Variants in ANO2 observed in about 807,000 individuals in gnomAD.
ANO2 encodes anoctamin 2.
In ANO2, 101 loss-of-function variants were observed where a neutral mutation model predicts 124.2. The ratio of observed to expected loss-of-function variants is 0.81; its 90% confidence interval spans 0.69 to 0.96. ANO2 has a LOEUF of 0.96. ANO2 is among the 40% of genes least tolerant of loss of function. The probability of loss-of-function intolerance (pLI) is 0.00; values close to 1 mark genes in which losing one functional copy is unlikely to be tolerated. For synonymous variants in ANO2, 486 were observed against 482.5 expected, an observed-to-expected ratio of 1.01 and a Z score of -0.09; for missense variants, 1,293 against 1,274.5, an observed-to-expected ratio of 1.01 and a Z score of -0.22.
intron 3 of ANO2, among the ~76,000 whole-genome samples, chr12:5,890,275 T>G (rs1394122756): frequency 6.6e-6 from 1 of 152,194 alleles, no homozygotes; most frequent in Non-Finnish European, 1.5e-5. Context: ...CAATGCAGAA[T>G]GTGCCTCCAA....
At chr12:5,881,651 G>C in intron 3 of ANO2, 1 of 152,202 alleles carries the variant, frequency 6.6e-6, no homozygotes, top group Non-Finnish European at 1.5e-5. Context: ...GTTCAGGTGA[G>C]TCACAATACA....
At chr12:5,831,016 G>C (rs1234989580) in intron 5 of ANO2, among the ~76,000 whole-genome samples, 1 of 152,200 alleles carries the variant, frequency 6.6e-6, no homozygotes, top group Non-Finnish European at 1.5e-5. Flanking sequence ...TAATGTCACT[G>C]TCATCTCATC....
intron 3 of ANO2, among the ~76,000 whole-genome samples, chr12:5,885,407 A>C (rs1184880974): frequency 2.0e-5 from 3 of 152,396 alleles, no homozygotes; most frequent in Admixed American, 6.5e-5. Flanking sequence ...TGGCCAAAGA[A>C]AGGTGGCTGC....
At chr12:5,937,826 G>A (rs1169822228) in intron 1 of ANO2, among the ~76,000 whole-genome samples, 1 of 152,028 alleles carries the variant, frequency 6.6e-6, no homozygotes, top group Non-Finnish European at 1.5e-5. Flanking sequence ...TTCTAGGCTT[G>A]GCCTTAGTGT....
intron 13 of ANO2, among the ~76,000 whole-genome samples, chr12:5,733,463 C>T (rs1349886908): frequency 6.6e-6 from 1 of 152,220 alleles, no homozygotes; most frequent in Non-Finnish European, 1.5e-5. Flanking sequence ...CAAGAACAAA[C>T]ATCTACAGGT....
rs534406175 is a variant in ANO2 at position 5,908,931 on chromosome 12, C to G, written c.534+12109G>C. Among the ~76,000 whole-genome samples the G allele has an allele frequency of 1.3e-5, 2 of 152,304 alleles. No individual in the cohort carries two copies. Among genetic ancestry groups the G allele is most frequent in the South Asian group, 4.1e-4 (2 of 4,826 alleles). On this transcript the variant is annotated intron_variant, in intron 3 of 24. Transcript: ENST00000682330. The surrounding 1 kb of genome is among the most constrained non-coding windows in gnomAD (Gnocchi z 4.7). ...TCTGGAGAATGGCCTTCACTCCACA[C>G]AGAATCATGAGTCCACTCAGAACAA...
chr12:5,892,829 G>C (rs1170032277), intron 3 of ANO2, among the ~76,000 whole-genome samples: 2 of 152,128 alleles, frequency 1.3e-5, no homozygotes, highest in Non-Finnish European at 2.9e-5. Flanking sequence ...AGAACATCAG[G>C]AATAAAGAAC....
intron 10 of ANO2, among the ~76,000 whole-genome samples, chr12:5,785,474 C>T (rs181027134): frequency 7.6e-4 from 115 of 152,244 alleles, no homozygotes; most frequent in African/African-American, 2.7e-3. Flanking sequence ...CTGGAGGTTA[C>T]TATCACTTCT....
At chr12:5,890,440 T>C (rs987017990) in intron 3 of ANO2, among the ~76,000 whole-genome samples, 2 of 152,240 alleles carry the variant, frequency 1.3e-5, no homozygotes, top group Non-Finnish European at 2.9e-5. Context: ...AATACCTTAA[T>C]CTGAAGTTAA....
intron 20 of ANO2, among the ~76,000 whole-genome samples, chr12:5,591,775 C>T (rs1250357252): frequency 2.0e-5 from 3 of 152,202 alleles, no homozygotes; most frequent in Non-Finnish European, 4.4e-5. Flanking sequence ...CTCTCTCTCA[C>T]ACCAGACCCT....
chr12:5,908,981 T>A lies in ANO2; in HGVS notation c.534+12059A>T, dbSNP rs1350909730. ...AGGGTCATCCGCCTTTTGAGCAGAA[T>A]GCATCATTACACGCTGTAGGTCCAC... On this transcript the variant is annotated intron_variant, in intron 3 of 24. Coordinates refer to ENST00000682330, the MANE Select transcript of ANO2 (RefSeq NM_001364791.2). This position sits in a 1 kb window ranked among gnomAD's most constrained non-coding sequence, Gnocchi z 4.7. Among the ~76,000 whole-genome samples, 2 of 152,180 alleles carry A rather than the reference T, an allele frequency of 1.3e-5. No homozygotes were observed. Among genetic ancestry groups the A allele is most frequent in the Admixed American group, 6.5e-5 (1 of 15,282 alleles).
chr12:5,824,375 C>T (rs1953895954), intron 7 of ANO2, among the ~76,000 whole-genome samples: 2 of 152,170 alleles, frequency 1.3e-5, no homozygotes, highest in Non-Finnish European at 2.9e-5. Context: ...ATTTCTTCTG[C>T]CAGATACCCT....
chr12:5,807,208 C>G, intron 8 of ANO2, 105 bp downstream of exon 8: 1 of 949,526 alleles, frequency 1.1e-6, no homozygotes, highest in Non-Finnish European at 1.5e-6. Context: ...ATGATTCACT[C>G]CTGCCTCACC....
intron 14 of ANO2, among the ~76,000 whole-genome samples, chr12:5,693,222 T>C (rs1320401766): frequency 6.6e-6 from 1 of 152,174 alleles, no homozygotes; most frequent in East Asian, 1.9e-4. Context: ...CGTTTCTACA[T>C]GGATATGCAG....
At chr12:5,682,898 C>T (rs1385327150) in intron 14 of ANO2, among the ~76,000 whole-genome samples, 1 of 152,178 alleles carries the variant, frequency 6.6e-6, no homozygotes, top group Non-Finnish European at 1.5e-5. Flanking sequence ...TATTTGGAAG[C>T]AGACGGAAGG....
At chr12:5,886,978 G>A (rs1051705848) in intron 3 of ANO2, among the ~76,000 whole-genome samples, 1 of 152,196 alleles carries the variant, frequency 6.6e-6, no homozygotes, top group Admixed American at 6.5e-5. Flanking sequence ...AGTTTCAGTT[G>A]AGGAAGACAA....
intron 3 of ANO2, among the ~76,000 whole-genome samples, chr12:5,876,883 G>A (rs975884824): frequency 1.3e-5 from 2 of 152,134 alleles, no homozygotes; most frequent in Non-Finnish European, 2.9e-5. Context: ...TGTAGATGAC[G>A]GGTTGATAGG....
intron 20 of ANO2, among the ~76,000 whole-genome samples, chr12:5,596,648 T>G (rs895506305): frequency 6.6e-6 from 1 of 152,170 alleles, no homozygotes; most frequent in African/African-American, 2.4e-5. Flanking sequence ...TACTTTTTTT[T>G]TCATTCTTCT....
chr12:5,911,801 T>A (rs1408818282), intron 3 of ANO2, among the ~76,000 whole-genome samples: 2 of 152,248 alleles, frequency 1.3e-5, no homozygotes, highest in Non-Finnish European at 2.9e-5. Context: ...GCCAGTCACA[T>A]ATTCTCTCTG....
Sources: allele counts gnomAD v4.1 joint callset (sites outside exome capture counted in the v4.1 genomes callset), GRCh38; gene constraint gnomAD v4.1.1; non-coding constraint Gnocchi (gnomAD v3.1); transcripts MANE v1.5; gene names NCBI Gene and HGNC (gene_info 2026-07-23, HGNC 2026-07-21).